The following COP1 variants were observed in gnomAD, a reference collection of about 807,000 sequenced individuals.
The protein encoded by COP1 is COP1 E3 ubiquitin ligase, also known as E3 ubiquitin-protein ligase COP1.
Under a neutral mutation model 101.3 loss-of-function variants are expected in COP1, and 24 were observed. The ratio of observed to expected loss-of-function variants is 0.24; its 90% CI spans 0.17 to 0.33. COP1 has a LOEUF of 0.33. Ranked by LOEUF, COP1 falls within the 10% of genes least tolerant of loss-of-function variation. COP1 has a pLI of 1.00. For synonymous variants in COP1, 347 were observed against 341.9 expected (o/e 1.01, Z -0.17); for missense variants, 663 against 906.2 (o/e 0.73, Z 3.45).
chr1:176,009,258 C>G (rs145420623), intron 15 of COP1, among the ~76,000 whole-genome samples: 1 of 152,082 alleles, frequency 6.6e-6, no homozygotes, highest in Non-Finnish European at 1.5e-5. Flanking sequence ...CTGTGGGTAT[C>G]GACAGGTATT....
At chr1:176,093,106 A>G (rs935860534) in intron 9 of COP1, among the ~76,000 whole-genome samples, 2 of 152,216 alleles carry the variant, frequency 1.3e-5, no homozygotes, top group African/African-American at 4.8e-5. Flanking sequence ...CAGCCAAAAC[A>G]AATAATATAG....
chr1:175,977,189 A>G lies in COP1; in HGVS notation c.2133+9754T>C, dbSNP rs538605331. On this transcript the variant is annotated intron_variant, in intron 18 of 19. Transcript: ENST00000367669. ...AGAGAGCAAAAGATCCTGAAGATAAATAAAAGTATGACCAACTGCTTATTT... is the reference window on the plus strand; with the variant it reads ...AGAGAGCAAAAGATCCTGAAGATAAGTAAAAGTATGACCAACTGCTTATTT... Among the ~76,000 whole-genome samples the G allele has an allele frequency of 3.3e-5, 5 of 152,342 alleles. No homozygotes were observed. The South Asian group carries it at 1.0e-3, about 32-fold the overall frequency.
At chr1:176,116,855 T>C (rs1572340285) in intron 8 of COP1, among the ~76,000 whole-genome samples, 174 bp from the exon 9 acceptor site, 1 of 152,098 alleles carries the variant, frequency 6.6e-6, no homozygotes, top group East Asian at 1.9e-4. Flanking sequence ...TATCAGCAAA[T>C]ATTTAAGCAA....
intron 18 of COP1, among the ~76,000 whole-genome samples, chr1:175,950,146 A>G (rs983960709): frequency 5.9e-5 from 9 of 152,130 alleles, no homozygotes; most frequent in Non-Finnish European, 1.3e-4. Flanking sequence ...ATGATGTCAT[A>G]TTAGATGCTA....
intron 11 of COP1, among the ~76,000 whole-genome samples, chr1:176,047,872 T>C (rs1160959624): frequency 6.6e-6 from 1 of 152,084 alleles, no homozygotes; most frequent in Non-Finnish European, 1.5e-5. Context: ...TCCAGGAGTT[T>C]GAGACCAGCC....
chr1:176,147,670 A>G (rs1299722631), intron 6 of COP1, among the ~76,000 whole-genome samples: 2 of 152,240 alleles, frequency 1.3e-5, no homozygotes, highest in Non-Finnish European at 2.9e-5. Flanking sequence ...TGATTCATCC[A>G]GAAGTTTAAT....
intron 15 of COP1, among the ~76,000 whole-genome samples, chr1:176,010,407 GT>G (rs1346940127): frequency 6.6e-6 from 1 of 152,056 alleles, no homozygotes; most frequent in Non-Finnish European, 1.5e-5. Context: ...TTACTAGTGG[GT>G]CACTCATTGT....
At chr1:176,156,955 T>C (rs538806624) in intron 5 of COP1, among the ~76,000 whole-genome samples, 3 of 152,240 alleles carry the variant, frequency 2.0e-5, no homozygotes, top group Middle Eastern at 3.4e-3. Context: ...TTCAGCACTT[T>C]TGGAGGCCAA....
intron 1 of COP1, among the ~76,000 whole-genome samples, chr1:176,197,641 C>CA (rs1435389092): frequency 1.3e-5 from 2 of 151,988 alleles, no homozygotes; most frequent in Admixed American, 6.6e-5. Flanking sequence ...AATAAAGGTC[C>CA]AAAAAATCCT....
intron 1 of COP1, among the ~76,000 whole-genome samples, chr1:176,189,566 G>T (rs1005460552): frequency 6.6e-6 from 1 of 151,968 alleles, no homozygotes; most frequent in East Asian, 1.9e-4. Context: ...GCTGCCCACA[G>T]ACCTGTACTA....
chr1:176,135,140 A>C, intron 7 of COP1, 54 bp from the exon 8 acceptor site: 1 of 1,200,284 alleles, frequency 8.3e-7, no homozygotes, highest in Non-Finnish European at 1.2e-6. Flanking sequence ...AAGATATATA[A>C]ATCAAAAAGA....
At chr1:176,055,476 G>A (rs1385558709) in intron 11 of COP1, among the ~76,000 whole-genome samples, 1 of 152,150 alleles carries the variant, frequency 6.6e-6, no homozygotes, top group Non-Finnish European at 1.5e-5. Flanking sequence ...TCAGAGCTAA[G>A]CTAAGCTCTT....
chr1:176,153,218 T>G (rs1014632104), intron 5 of COP1, among the ~76,000 whole-genome samples: 3 of 152,132 alleles, frequency 2.0e-5, no homozygotes, highest in Admixed American at 6.5e-5. Context: ...GCAAAGCAGG[T>G]AGGCTTGTCA....
At chr1:175,949,200 G>GAAAAAAAAAAAAA (rs1649572257) in intron 18 of COP1, among the ~76,000 whole-genome samples, 1 of 53,518 alleles carries the variant, frequency 1.9e-5, no homozygotes, top group African/African-American at 5.8e-5. Context: ...AAATGAACAT[G>GAAAAAAAAAAAAA]GGTAATACAA....
intron 1 of COP1, among the ~76,000 whole-genome samples, chr1:176,185,766 C>T (rs760620946): frequency 7.9e-5 from 12 of 152,150 alleles, no homozygotes; most frequent in South Asian, 2.1e-4. Context: ...GGATTGTCTC[C>T]GCTGGACTTC....
chr1:175,993,852 T>C (rs1263069868), intron 15 of COP1, among the ~76,000 whole-genome samples: 1 of 152,168 alleles, frequency 6.6e-6, no homozygotes, highest in Non-Finnish European at 1.5e-5. Flanking sequence ...TTCCCCAATC[T>C]AGCAAGGCAG....
rs1287730682 is a variant in COP1, at chr1:176,005,451, C to G, written c.1730-15972G>C. ...TCTTTTAATTGTGATGTTAGGGTGTCAATTTTGGATCTTTCCTGCTTTCTC... is the reference window on the plus strand; with the variant it reads ...TCTTTTAATTGTGATGTTAGGGTGTGAATTTTGGATCTTTCCTGCTTTCTC... On this transcript the variant is annotated intron_variant, in intron 15 of 19. Coordinates refer to ENST00000367669, the MANE Select transcript of COP1 (RefSeq NM_022457.7). Among the ~76,000 whole-genome samples, 5 of 152,038 alleles carry G rather than the reference C, an allele frequency of 3.3e-5. No homozygotes were observed. The East Asian group carries it at 9.6e-4, about 29-fold the overall frequency.
At chr1:176,053,226 A>G (rs76453178) in intron 11 of COP1, among the ~76,000 whole-genome samples, 10,579 of 152,216 alleles carry the variant, frequency 0.069, 460 homozygotes, top group Non-Finnish European at 0.087. Context: ...CTCTCCCCTG[A>G]ATATACTGCT....
chr1:176,181,667 C>G (rs1435830157), intron 2 of COP1, among the ~76,000 whole-genome samples: 1 of 151,930 alleles, frequency 6.6e-6, no homozygotes, highest in Admixed American at 6.6e-5. Flanking sequence ...ATGGTGAACC[C>G]CGTCTCTACT....
Sources: allele counts gnomAD v4.1 joint callset (sites outside exome capture counted in the v4.1 genomes callset), GRCh38; gene constraint gnomAD v4.1.1; transcripts MANE v1.5; gene names NCBI Gene and HGNC (gene_info 2026-07-23, HGNC 2026-07-21).